The following XYLB variants were observed in gnomAD, a reference collection of about 807,000 sequenced individuals.
The protein encoded by XYLB is xylulose kinase.
A neutral mutation model predicts 78.7 loss-of-function variants in XYLB; 62 were observed. That is an observed-to-expected ratio of 0.79 (90% confidence interval 0.64 to 0.97). The LOEUF (loss-of-function observed/expected upper bound fraction) is 0.97, where lower values mean the gene tolerates loss of function less well. Among genes scored for constraint, XYLB ranks in the 50% least tolerant of loss-of-function variants. The pLI is 0.00. For synonymous variants in XYLB, 245 were observed against 247.4 expected, an observed-to-expected ratio of 0.99 and a Z score of 0.09; for missense variants, 687 against 676.8, an observed-to-expected ratio of 1.02 and a Z score of -0.17.
chr3:38,389,833 G>T lies in XYLB; in HGVS notation c.1292-5672G>T, dbSNP rs1048554454. ...CATAGTAGTTCACTGGAGACATTTG[G>T]TGGGTAGGGAGGACTAGCTCTATAT... On this transcript the variant is annotated intron_variant, in intron 15 of 18. Transcript: ENST00000207870. Among the ~76,000 whole-genome samples, 5 of 152,198 alleles carry T rather than the reference G, an allele frequency of 3.3e-5. No individual in the cohort carries two copies. In the East Asian group the frequency reaches 5.8e-4, roughly 18 times the overall value.
chr3:38,433,986 G>A, the XYLB span, among the ~76,000 whole-genome samples: 1 of 152,158 alleles, frequency 6.6e-6, no homozygotes, highest in Admixed American at 6.6e-5. Flanking sequence ...GTTCCACATG[G>A]CTGGAGAGGC....
chr3:38,409,438 T>C (rs1460454805), intron 18 of XYLB, among the ~76,000 whole-genome samples: 1 of 152,190 alleles, frequency 6.6e-6, no homozygotes, highest in Admixed American at 6.5e-5. Flanking sequence ...TCATACTGAA[T>C]GGGCAAAAAC....
chr3:38,375,228 G>A lies in XYLB; in HGVS notation c.973G>A (p.Val325Ile), dbSNP rs764412686. The A allele has an allele frequency of 2.5e-6, 4 of 1,614,086 alleles. No homozygotes were observed. The highest frequency in any genetic ancestry group is 4.5e-5 in the East Asian group (2 of 44,898). The change falls in exon 12 of 19, where the codon GTT becomes ATT. Residue 325 changes from valine (V) to isoleucine (I), a missense_variant. By Grantham distance (29) the Val-to-Ile change is conservative. Transcript: ENST00000207870. The stretch of plus-strand genomic sequence containing the variant: ...GGAAGGCCACATCTTCTGCAACCCG[G>A]TTGACTCCCAGCACTACATGGCACT... ...ALEGHIFCNP[V>I]DSQHYMALLC...
At position 38,365,687 on chromosome 3, in the gene XYLB, T is replaced by C; in HGVS notation, c.458T>C (p.Val153Ala). The C allele has an allele frequency of 6.2e-7, 1 of 1,613,868 alleles. No individual in the cohort carries two copies. Among genetic ancestry groups the C allele is most frequent in the Non-Finnish European group, 8.5e-7 (1 of 1,179,978 alleles). ...CAGTGCCGCCAGCTGGAGGCTGCTG[T>C]GGGTGGTGCTCAGGCTCTCAGCTGC... is the stretch of plus-strand genomic sequence containing the variant. ...TAQCRQLEAA[V>A]GGAQALSCLT... is the part of the protein sequence containing the mutation. Residue 153 changes from valine to alanine, a missense_variant, in exon 6 of 19, where the codon GTG becomes GCG. By Grantham distance (64) the Val-to-Ala change is moderately conservative. Transcript: ENST00000207870.
At chr3:38,407,352 C>A (rs1445818715) in intron 18 of XYLB, among the ~76,000 whole-genome samples, 13 of 149,704 alleles carry the variant, frequency 8.7e-5, no homozygotes, top group South Asian at 2.2e-4. Context: ...TTGTCACCAC[C>A]AGGCCTGCCC....
At chr3:38,401,880 G>A (rs951941252) in intron 18 of XYLB, among the ~76,000 whole-genome samples, 39 of 152,164 alleles carry the variant, frequency 2.6e-4, no homozygotes, top group African/African-American at 8.7e-4. Context: ...AGCAGCAGGG[G>A]TGGGTGCATC....
intron 2 of XYLB, among the ~76,000 whole-genome samples, chr3:38,351,441 T>C (rs143468373): frequency 6.6e-6 from 1 of 152,292 alleles, no homozygotes. Flanking sequence ...ATTTTCAAGA[T>C]ATTTTAAACC....
the XYLB span, among the ~76,000 whole-genome samples, chr3:38,431,962 A>C: frequency 6.6e-6 from 1 of 152,198 alleles, no homozygotes; most frequent in Non-Finnish European, 1.5e-5. Context: ...ATTGAAAAAA[A>C]AGATAGTTAC....
Position 38,365,688 on chromosome 3 carries a change from G to T in XYLB, c.459G>T (p.Val153=). Residue 153 remains valine, a synonymous_variant, in exon 6 of 19, where the codon GTG becomes GTT. Transcript: ENST00000207870. ...TAQCRQLEAA[V]GGAQALSCLT... The stretch of plus-strand genomic sequence containing the variant: ...AGTGCCGCCAGCTGGAGGCTGCTGT[G>T]GGTGGTGCTCAGGCTCTCAGCTGCC... 6.2e-7 allele frequency: 1 copy of T among 1,613,898 alleles called. No individual in the cohort carries two copies. Among genetic ancestry groups the T allele is most frequent in the Non-Finnish European group, 8.5e-7 (1 of 1,179,998 alleles).
chr3:38,382,269 C>G (rs1318877129), intron 15 of XYLB, among the ~76,000 whole-genome samples: 1 of 151,834 alleles, frequency 6.6e-6, no homozygotes, highest in Non-Finnish European at 1.5e-5. Context: ...TCGCTTAAGC[C>G]TAGGAGGTTG....
At position 38,388,160 on chromosome 3, in the gene XYLB, T is replaced by G. The variant is rs916765183; in HGVS notation, c.1292-7345T>G. Among the ~76,000 whole-genome samples the G allele has an allele frequency of 2.4e-4, 6 of 24,672 alleles. No individual in the cohort carries two copies. The Non-Finnish European group carries it at 3.1e-3, about 13-fold the overall frequency. 16.2% of individuals were successfully genotyped at this position (24,672 alleles called of 152,430 possible). A position where few individuals can be genotyped will look rare whatever the true frequency, so the allele number is the denominator to read the frequency against. On this transcript the variant is annotated intron_variant, in intron 15 of 18. Transcript: ENST00000207870. ...TCAGGAAGTGCGGGTGAGGTGGTGG[T>G]TTTTTTTTGTTTTTTTTTTTTTTTT...
chr3:38,416,227 ACTC>A (rs1409860304), downstream of XYLB, among the ~76,000 whole-genome samples: 8 of 152,018 alleles, frequency 5.3e-5, no homozygotes, highest in Non-Finnish European at 8.8e-5. Context: ...AATACAAAGA[ACTC>A]CTTGTTGCTT....
chr3:38,437,008 T>TAAA, the XYLB span, among the ~76,000 whole-genome samples: 1 of 110,386 alleles, frequency 9.1e-6, no homozygotes, highest in Non-Finnish European at 1.9e-5. Flanking sequence ...CTTCTAAAAA[T>TAAA]AATAATAATA....
At chr3:38,395,690 A>C in intron 16 of XYLB, 127 bp downstream of exon 16, 1 of 980,718 alleles carries the variant, frequency 1.0e-6, no homozygotes, top group Non-Finnish European at 1.6e-6. Flanking sequence ...CTTAGCTCAC[A>C]CTCCAGGAAG....
At chr3:38,441,512 G>C in the XYLB span, among the ~76,000 whole-genome samples, 2 of 152,196 alleles carry the variant, frequency 1.3e-5, no homozygotes, top group Non-Finnish European at 2.9e-5. Flanking sequence ...TAATTTGTTG[G>C]CAGTCATGCT....
intron 15 of XYLB, among the ~76,000 whole-genome samples, chr3:38,391,847 A>C (rs567134072): frequency 6.6e-6 from 1 of 152,326 alleles, no homozygotes; most frequent in Admixed American, 6.5e-5. Context: ...TCACAAAAAG[A>C]ATTATCCAAC....
chr3:38,443,314 G>A, the XYLB span, among the ~76,000 whole-genome samples: 6 of 152,312 alleles, frequency 3.9e-5, no homozygotes, highest in South Asian at 4.1e-4. Flanking sequence ...TTGTTGGATC[G>A]GCTGGTTGGG....
chr3:38,416,066 C>G (rs371515288), downstream of XYLB, among the ~76,000 whole-genome samples: 8 of 152,268 alleles, frequency 5.3e-5, no homozygotes, highest in East Asian at 1.5e-3. Context: ...TCACCTCTCA[C>G]CAGGTCTCGC....
chr3:38,370,902 G>A (rs1181918243), intron 9 of XYLB, among the ~76,000 whole-genome samples: 1 of 152,088 alleles, frequency 6.6e-6, no homozygotes, highest in African/African-American at 2.4e-5. Context: ...AAAAAGATCT[G>A]GGTGCTGCCC....
Sources: allele counts gnomAD v4.1 joint callset (sites outside exome capture counted in the v4.1 genomes callset), GRCh38; gene constraint gnomAD v4.1.1; transcripts MANE v1.5; gene names NCBI Gene and HGNC (gene_info 2026-07-23, HGNC 2026-07-21).